SH2B1: variants seen among roughly 807,000 people sequenced by gnomAD.
The protein encoded by SH2B1 is SH2B adapter protein 1.
In SH2B1, 15 loss-of-function variants were observed where a neutral mutation model predicts 62.6. The observed-to-expected ratio is 0.24, with a 90% CI of 0.16 to 0.37. SH2B1 has a LOEUF of 0.37. Among genes scored for constraint, SH2B1 ranks in the 10% least tolerant of loss-of-function variants. SH2B1 has a pLI of 1.00. For missense variants in SH2B1, 925 were observed against 1,015.6 expected, an observed-to-expected ratio of 0.91 and a Z score of 1.21; for synonymous variants, 443 against 438.0, an observed-to-expected ratio of 1.01 and a Z score of -0.14.
chr16:28,852,049 AGAGT>A lies in SH2B1; in HGVS notation c.-301+5226_-301+5229del, dbSNP rs547738118. Reference sequence around the variant, plus strand: ...GCCACTGCACTCCAACCTGGGCGACAGAGTGAGACTCTGTCTCAAAAAAAAGAAA... The same window carrying A: ...GCCACTGCACTCCAACCTGGGCGACAGAGACTCTGTCTCAAAAAAAAGAAA... On this transcript the variant is annotated intron_variant, in intron 1 of 10. Coordinates refer to the SH2B1 transcript ENST00000322610. 8.3e-3 allele frequency among the ~76,000 whole-genome samples: 1,242 copies of A among 149,764 alleles called. 20 individuals carry two copies. The highest frequency in any genetic ancestry group is 0.029 in the African/African-American group (1,191 of 40,714).
At chr16:28,853,139 T>C (rs1330917507) in intron 1 of SH2B1, among the ~76,000 whole-genome samples, 2 of 132,392 alleles carry the variant, frequency 1.5e-5, no homozygotes, top group African/African-American at 2.8e-5. Flanking sequence ...TATACATTTA[T>C]ATAAATATAT....
chr16:28,857,208 G>A (rs1232579935), intron 1 of SH2B1, among the ~76,000 whole-genome samples: 8 of 151,852 alleles, frequency 5.3e-5, no homozygotes, highest in African/African-American at 1.9e-4. Context: ...GCTTGAACCC[G>A]GGAGATGGAG....
At position 28,873,649 on chromosome 16, in the gene SH2B1, C is replaced by T. The variant is rs541419865; in HGVS notation, c.2100C>T (p.Pro700=). 183 of 1,533,340 alleles carry T rather than the reference C, an allele frequency of 1.2e-4. 5 individuals are homozygous for T. In the South Asian group the frequency reaches 2.1e-3, roughly 18 times the overall value. 95.0% of individuals were successfully genotyped at this position (1,533,340 alleles called of 1,614,324 possible). The change falls in exon 8 of 8, where the codon CCC becomes CCT. Residue 700 remains proline, a synonymous_variant. Coordinates refer to ENST00000684370, the MANE Select transcript of SH2B1 (RefSeq NM_001387430.1). The surrounding 1 kb of genome is among the most constrained non-coding windows in gnomAD (Gnocchi z 4.2). ...TGGTCCCCGTGGTTGAGCTGGTCCC[C>T]GTGGTTGAATTGGAAGAGGCCATAG... is the stretch of plus-strand genomic sequence containing the variant. ...EELVPVVELV[P]VVELEEAIAP...
chr16:28,852,676 ATATT>A lies in SH2B1; in HGVS notation c.-301+5852_-301+5855del, dbSNP rs1180822541. On this transcript the variant is annotated intron_variant, in intron 1 of 10. Transcript: ENST00000322610. Reference sequence around the variant, plus strand: ...TATATACACATATATATTTATATATATATTTACATATATATTTATATATATACAT... The same window carrying A: ...TATATACACATATATATTTATATATATACATATATATTTATATATATACAT... Among the ~76,000 whole-genome samples, 6 of 91,850 alleles carry A rather than the reference ATATT, an allele frequency of 6.5e-5. 2 individuals are homozygous for A. Among genetic ancestry groups the A allele is most frequent in the African/African-American group, 1.8e-4 (4 of 22,162 alleles). 60.3% of individuals were successfully genotyped at this position (91,850 alleles called of 152,430 possible). A position where few individuals can be genotyped will look rare whatever the true frequency, so the allele number is the denominator to read the frequency against.
chr16:28,854,769 C>A (rs1596612599), intron 1 of SH2B1, among the ~76,000 whole-genome samples: 1 of 152,080 alleles, frequency 6.6e-6, no homozygotes, highest in Non-Finnish European at 1.5e-5. Context: ...ATAATAACGA[C>A]AATAATAATA....
intron 1 of SH2B1, among the ~76,000 whole-genome samples, chr16:28,850,391 T>C (rs2152152620): frequency 6.6e-6 from 1 of 152,308 alleles, no homozygotes; most frequent in East Asian, 1.9e-4. Flanking sequence ...AGACCTTGTC[T>C]CTACAAACAT....
chr16:28,850,862 GAA>G (rs565938904), intron 1 of SH2B1, among the ~76,000 whole-genome samples: 14 of 71,260 alleles, frequency 2.0e-4, no homozygotes, highest in African/African-American at 3.0e-4. Context: ...GACTCCATCT[GAA>G]AAAAAAAAAA....
chr16:28,848,384 G>C (rs908577429), intron 1 of SH2B1, among the ~76,000 whole-genome samples: 8 of 152,006 alleles, frequency 5.3e-5, no homozygotes, highest in African/African-American at 1.9e-4. Context: ...CTTGCAGTGA[G>C]CTGAGATGGT....
In SH2B1 at chr16:28,873,546, T is replaced by TGGC; in HGVS notation, c.2001_2003dup (p.Ala674dup). On this transcript the variant is annotated inframe_insertion, in exon 8 of 8. Transcript: ENST00000684370. This position sits in a 1 kb window ranked among gnomAD's most constrained non-coding sequence, Gnocchi z 4.2. ...GAAGAGGCGTCGAGGGCGCCAGAAG[T>TGGC]GGCGGCAGCAGCAGCCGCAGCAGCC... 2 of 1,602,624 alleles carry TGGC rather than the reference T, an allele frequency of 1.2e-6. No individual in the cohort carries two copies. Among genetic ancestry groups the TGGC allele is most frequent in the Non-Finnish European group, 1.7e-6 (2 of 1,175,496 alleles).
At chr16:28,847,607 CAGG>C (rs1471228117) in intron 1 of SH2B1, among the ~76,000 whole-genome samples, 1 of 151,894 alleles carries the variant, frequency 6.6e-6, no homozygotes, top group African/African-American at 2.4e-5. Context: ...GGTTTGAAGC[CAGG>C]AGTTCAAGAC....
chr16:28,867,132 C>T, intron 1 of SH2B1, 99 bp downstream of exon 1: 1 of 1,515,800 alleles, frequency 6.6e-7, no homozygotes, highest in Admixed American at 1.8e-5. Flanking sequence ...CAGCCCATGG[C>T]CCTGGTGTCG....
In SH2B1 at chr16:28,872,358, G is replaced by A. The variant is rs749978993; in HGVS notation, c.1682G>A (p.Arg561Gln). ...CTGGTGCGCCAGAGTGAGACAAGGC[G>A]GGGTGAATACGTCCTCACCTTCAAC... is the stretch of plus-strand genomic sequence containing the variant. ...VFLVRQSETRRGEYVLTFNFQ... is the reference protein window; with the variant it reads ...VFLVRQSETRQGEYVLTFNFQ... The change falls in exon 6 of 8, where the codon CGG (arginine) becomes CAG (glutamine). Residue 561 changes from arginine to glutamine, a missense_variant. Coordinates refer to ENST00000684370, the MANE Select transcript of SH2B1 (RefSeq NM_001387430.1). This position sits in a 1 kb window ranked among gnomAD's most constrained non-coding sequence, Gnocchi z 5.3. 5.0e-5 allele frequency: 81 copies of A among 1,612,936 alleles called. No homozygotes were observed. The highest frequency in any genetic ancestry group is 5.9e-5 in the Non-Finnish European group (70 of 1,179,332).
chr16:28,869,379 G>T lies in SH2B1; in HGVS notation c.1305G>T (p.Ser435=), dbSNP rs765163246. ...LGPSESNDRL[S]QGAYGGLSDR... ...CCAGCGAGAGCAATGACCGCCTGTC[G>T]CAGGGTAAGGGTGGAGCCTTAGAGA... is the stretch of plus-strand genomic sequence containing the variant. The change falls in exon 4 of 8, where the codon TCG becomes TCT. Residue 435 remains serine (S), a synonymous_variant. Transcript: ENST00000684370. 6.2e-7 allele frequency: 1 copy of T among 1,613,322 alleles called. No homozygotes were observed. Among genetic ancestry groups the T allele is most frequent in the South Asian group, 1.1e-5 (1 of 91,064 alleles).
In SH2B1 at chr16:28,852,487, T is replaced by TACAC. The variant is rs1328833586; in HGVS notation, c.-301+5663_-301+5664insCACA. Among the ~76,000 whole-genome samples the TACAC allele has an allele frequency of 1.0e-4, 4 of 39,408 alleles. 2 individuals carry two copies. The highest frequency in any genetic ancestry group is 1.7e-4 in the Non-Finnish European group (4 of 24,124). 25.9% of individuals were successfully genotyped at this position (39,408 alleles called of 152,430 possible). ...ATATATATACATATATATTTATATA[T>TACAC]ACATACATATATTTATATATATACA... On this transcript the variant is annotated intron_variant, in intron 1 of 10. Coordinates refer to the SH2B1 transcript ENST00000322610.
chr16:28,871,031 GTT>G (rs71141000), intron 4 of SH2B1, among the ~76,000 whole-genome samples: 1 of 138,176 alleles, frequency 7.2e-6, no homozygotes, highest in African/African-American at 2.9e-5. Context: ...GTGTGTGTGT[GTT>G]TTGAGACAGA....
intron 1 of SH2B1, among the ~76,000 whole-genome samples, chr16:28,850,625 T>C (rs1036194571): frequency 1.3e-5 from 2 of 151,258 alleles, no homozygotes; most frequent in African/African-American, 4.9e-5. Context: ...TTTGGGACGC[T>C]AAGGTGGGCG....
rs750400581 is a variant in SH2B1 at position 28,871,901 on chromosome 16, C to T, written c.1431C>T (p.Pro477=). The T allele has an allele frequency of 6.4e-6, 10 of 1,561,936 alleles. 1 individual carries two copies. The South Asian group carries it at 1.1e-4, about 17-fold the overall frequency. Residue 477 remains proline (P), a synonymous_variant, in exon 5 of 8, where the codon CCC becomes CCT. Transcript: ENST00000684370. ...CCCCAGAGTTGCCCCCCCGCATCCCCATTGAAGAGGGACCCCCAACAGGGA... is the reference window on the plus strand; with the variant it reads ...CCCCAGAGTTGCCCCCCCGCATCCCTATTGAAGAGGGACCCCCAACAGGGA... ...LLPPELPPRI[P]IEEGPPTGTV...
intron 1 of SH2B1, among the ~76,000 whole-genome samples, chr16:28,855,961 G>A (rs1318690376): frequency 6.7e-6 from 1 of 148,400 alleles, no homozygotes; most frequent in African/African-American, 2.5e-5. Context: ...GTGAGCCACC[G>A]CGCCCAGCCT....
intron 1 of SH2B1, among the ~76,000 whole-genome samples, chr16:28,852,816 T>TTTATATATATA (rs1962191401): frequency 1.9e-5 from 1 of 53,400 alleles, no homozygotes; most frequent in Admixed American, 3.5e-4. Context: ...TTACATATAT[T>TTTATATATATA]TACATATATA....
Sources: allele counts gnomAD v4.1 joint callset (sites outside exome capture counted in the v4.1 genomes callset), GRCh38; gene constraint gnomAD v4.1.1; non-coding constraint Gnocchi (gnomAD v3.1); transcripts MANE v1.5; gene names NCBI Gene and HGNC (gene_info 2026-07-23, HGNC 2026-07-21).